Variants in PLSCR4 observed in about 807,000 individuals in gnomAD.
PLSCR4 encodes the protein phospholipid scramblase 4, also known as Ca(2+)-dependent phospholipid scramblase 4.
Under a neutral mutation model 36.3 loss-of-function variants are expected in PLSCR4, and 25 were observed. The observed-to-expected ratio is 0.69, with a 90% CI of 0.50 to 0.96. The LOEUF (loss-of-function observed/expected upper bound fraction) is 0.96, where lower values mean the gene tolerates loss of function less well. Ranked by LOEUF, PLSCR4 falls within the 40% of genes least tolerant of loss-of-function variation. The pLI is 0.00. For synonymous variants in PLSCR4, 122 were observed against 132.9 expected (o/e 0.92, Z 0.56); for missense variants, 408 against 414.7 (o/e 0.98, Z 0.14).
intron 3 of PLSCR4, among the ~76,000 whole-genome samples, chr3:146,210,282 A>C (rs1391714227): frequency 2.0e-5 from 3 of 152,076 alleles, no homozygotes; most frequent in Non-Finnish European, 4.4e-5. Context: ...CCAACTGTGG[A>C]TCTATTTTAG....
chr3:146,226,380 G>A (rs2035479658), intron 1 of PLSCR4, among the ~76,000 whole-genome samples: 1 of 151,990 alleles, frequency 6.6e-6, no homozygotes, highest in Non-Finnish European at 1.5e-5. Flanking sequence ...TAAGTTCTTG[G>A]GATTGCAAAC....
At chr3:146,204,770 A>G (rs2108234505) in intron 4 of PLSCR4, among the ~76,000 whole-genome samples, 1 of 152,168 alleles carries the variant, frequency 6.6e-6, no homozygotes, top group Non-Finnish European at 1.5e-5. Flanking sequence ...GATTCCCAAG[A>G]ACAACTTCTG....
chr3:146,227,435 T>A (rs1419459293), intron 1 of PLSCR4, among the ~76,000 whole-genome samples: 1 of 152,190 alleles, frequency 6.6e-6, no homozygotes, highest in Non-Finnish European at 1.5e-5. Context: ...GTGCTGTATC[T>A]TATTATATGC....
intron 3 of PLSCR4, among the ~76,000 whole-genome samples, chr3:146,207,316 A>G (rs937596648): frequency 6.6e-6 from 1 of 152,130 alleles, no homozygotes; most frequent in Non-Finnish European, 1.5e-5. Flanking sequence ...CTGGTCCCCA[A>G]TCCTGACCTC....
intron 1 of PLSCR4, among the ~76,000 whole-genome samples, chr3:146,225,079 G>C (rs954026443): frequency 2.4e-4 from 36 of 151,618 alleles, no homozygotes; most frequent in African/African-American, 8.5e-4. Context: ...CCCTGAGATA[G>C]ACATAAAGGT....
In PLSCR4 at chr3:146,194,136, T is replaced by C. The variant is rs753500861; in HGVS notation, c.*275A>G. On this transcript the variant is annotated 3_prime_UTR_variant, in exon 9 of 9. Transcript: ENST00000354952. ...GATTCATTTTCCCTTATCTCATGTT[T>C]ATAGTGTTTTAAGCTTACTTTGTAT... 7 of 333,948 alleles carry C rather than the reference T, an allele frequency of 2.1e-5. No individual in the cohort carries two copies. Among genetic ancestry groups the C allele is most frequent in the Non-Finnish European group, 3.8e-5 (7 of 184,730 alleles). The allele number at this position is 333,948 out of a possible 1,614,324, so 20.7% of individuals were successfully genotyped here. A position where few individuals can be genotyped will look rare whatever the true frequency, so the allele number is the denominator to read the frequency against.
intron 1 of PLSCR4, among the ~76,000 whole-genome samples, chr3:146,231,985 T>C (rs1304045311): frequency 6.6e-6 from 1 of 152,212 alleles, no homozygotes; most frequent in African/African-American, 2.4e-5. Context: ...TTTTATAGTT[T>C]TAGGTCTTAC....
intron 3 of PLSCR4, among the ~76,000 whole-genome samples, chr3:146,220,384 C>G (rs1022782147): frequency 6.6e-6 from 1 of 152,158 alleles, no homozygotes; most frequent in African/African-American, 2.4e-5. Context: ...ATGCCTCATA[C>G]CAGATTTTCA....
chr3:146,230,736 A>G (rs1365317362), intron 1 of PLSCR4, among the ~76,000 whole-genome samples: 2 of 152,188 alleles, frequency 1.3e-5, no homozygotes, highest in Admixed American at 6.5e-5. Context: ...AAAAGGGTAA[A>G]CAGTTTTAAA....
At chr3:146,224,391 T>G (rs1381481509) in intron 1 of PLSCR4, among the ~76,000 whole-genome samples, 1 of 152,144 alleles carries the variant, frequency 6.6e-6, no homozygotes, top group Non-Finnish European at 1.5e-5. Context: ...GTGTCCAGAA[T>G]TGGTGGGTTC....
At chr3:146,237,482 A>C (rs147519265) in intron 1 of PLSCR4, among the ~76,000 whole-genome samples, 279 of 152,284 alleles carry the variant, frequency 1.8e-3, no homozygotes, top group Middle Eastern at 3.4e-3. Context: ...ATTAGGCTAT[A>C]ACATGAGCCT....
At chr3:146,249,971 A>G (rs1006563779) in intron 1 of PLSCR4, among the ~76,000 whole-genome samples, 1 of 152,182 alleles carries the variant, frequency 6.6e-6, no homozygotes, top group Non-Finnish European at 1.5e-5. Context: ...GTATGATGCA[A>G]TTGGAAACTT....
At chr3:146,224,319 G>C (rs1009468776) in intron 1 of PLSCR4, among the ~76,000 whole-genome samples, 1 of 152,218 alleles carries the variant, frequency 6.6e-6, no homozygotes, top group Non-Finnish European at 1.5e-5. Flanking sequence ...CGTGGACAGA[G>C]ATGTATCTCA....
chr3:146,225,353 A>G (rs573281341), intron 1 of PLSCR4, among the ~76,000 whole-genome samples: 153 of 152,358 alleles, frequency 1.0e-3, no homozygotes, highest in Middle Eastern at 6.8e-3. Context: ...CAGACTCAGG[A>G]GCACAGCTGG....
At chr3:146,219,439 T>C (rs1340641026) in intron 3 of PLSCR4, among the ~76,000 whole-genome samples, 1 of 152,206 alleles carries the variant, frequency 6.6e-6, no homozygotes, top group Non-Finnish European at 1.5e-5. Context: ...TATAATTTAA[T>C]AATTTAATTT....
intron 3 of PLSCR4, among the ~76,000 whole-genome samples, chr3:146,211,664 T>C (rs1700290965): frequency 6.6e-6 from 1 of 152,138 alleles, no homozygotes; most frequent in Non-Finnish European, 1.5e-5. Context: ...TTGTAAAAGT[T>C]TTATAGTTTT....
intron 6 of PLSCR4, among the ~76,000 whole-genome samples, chr3:146,197,407 C>T (rs1242901192): frequency 2.6e-5 from 4 of 152,112 alleles, no homozygotes; most frequent in Admixed American, 6.6e-5. Flanking sequence ...CCTCTGTCTC[C>T]TTCCTAGGAG....
intron 1 of PLSCR4, among the ~76,000 whole-genome samples, chr3:146,232,556 C>T (rs1187391221): frequency 6.6e-6 from 1 of 152,038 alleles, no homozygotes; most frequent in Non-Finnish European, 1.5e-5. Flanking sequence ...AATCTTTCAC[C>T]TCCGCAGTTA....
At chr3:146,196,580 T>A in intron 7 of PLSCR4, 52 bp downstream of exon 7, 3 of 1,547,942 alleles carry the variant, frequency 1.9e-6, no homozygotes, top group Non-Finnish European at 2.7e-6. Context: ...TTCCATGGTC[T>A]GTTAATATGA....
Sources: gnomAD v4.1 joint callset for allele counts (sites outside exome capture counted in the v4.1 genomes callset) on GRCh38, gnomAD v4.1.1 for gene constraint, MANE v1.5 for transcripts, NCBI Gene and HGNC (gene_info 2026-07-23, HGNC 2026-07-21) for gene names.